TMEM38B: variants seen among roughly 807,000 people sequenced by gnomAD.
TMEM38B encodes trimeric intracellular cation channel type B.
A neutral mutation model predicts 28.7 loss-of-function variants in TMEM38B; 24 were observed. The ratio of observed to expected loss-of-function variants is 0.84; its 90% CI spans 0.61 to 1.18. TMEM38B has a LOEUF of 1.18. TMEM38B is among the 50% of genes most tolerant of loss of function. TMEM38B has a pLI of 0.00. For synonymous variants in TMEM38B, 131 were observed against 127.7 expected, an observed-to-expected ratio of 1.03 and a Z score of -0.17; for missense variants, 380 against 350.9, an observed-to-expected ratio of 1.08 and a Z score of -0.66.
intron 4 of TMEM38B, among the ~76,000 whole-genome samples, chr9:105,730,293 G>A (rs1836685024): frequency 6.6e-6 from 1 of 152,172 alleles, no homozygotes; most frequent in South Asian, 2.1e-4. Context: ...ATGAAAGGCT[G>A]TTGAATTTTT....
intron 5 of TMEM38B, among the ~76,000 whole-genome samples, chr9:105,761,036 A>G (rs1838026754): frequency 6.6e-6 from 1 of 152,204 alleles, no homozygotes; most frequent in Non-Finnish European, 1.5e-5. Context: ...TATTTGCTTG[A>G]ATTTTCAAAA....
chr9:105,757,147 A>G (rs1468171406), intron 5 of TMEM38B, among the ~76,000 whole-genome samples: 2 of 152,166 alleles, frequency 1.3e-5, no homozygotes, highest in East Asian at 1.9e-4. Context: ...TATAGAGAAC[A>G]TATGATATTT....
chr9:105,737,950 G>T (rs1488413060), intron 4 of TMEM38B, among the ~76,000 whole-genome samples: 1 of 152,164 alleles, frequency 6.6e-6, no homozygotes, highest in Non-Finnish European at 1.5e-5. Context: ...GACCCCAAGG[G>T]TAGGGCATTG....
chr9:105,739,864 C>T (rs1304924901), intron 4 of TMEM38B, among the ~76,000 whole-genome samples: 3 of 151,868 alleles, frequency 2.0e-5, no homozygotes, highest in African/African-American at 7.3e-5. Flanking sequence ...GGATAGCTTT[C>T]TATTTAATTA....
At chr9:105,696,837 AG>A (rs1163844957) in intron 1 of TMEM38B, among the ~76,000 whole-genome samples, 1 of 152,230 alleles carries the variant, frequency 6.6e-6, no homozygotes, top group Non-Finnish European at 1.5e-5. Context: ...AAGATCGGTA[AG>A]TGTATACTTT....
chr9:105,758,504 T>C (rs1482625207), intron 5 of TMEM38B: 7 of 1,282,300 alleles, frequency 5.5e-6, no homozygotes, highest in Non-Finnish European at 8.0e-6. Flanking sequence ...TAAGAAATAA[T>C]AACAGTTTTG....
chr9:105,740,260 GTTTTTT>G (rs35669330), intron 4 of TMEM38B, among the ~76,000 whole-genome samples: 1 of 111,422 alleles, frequency 9.0e-6, no homozygotes, highest in Admixed American at 9.5e-5. Context: ...ATTCCTAGGT[GTTTTTT>G]TTTTTTTTTT....
At chr9:105,752,392 T>C (rs1837686742) in intron 5 of TMEM38B, among the ~76,000 whole-genome samples, 1 of 152,152 alleles carries the variant, frequency 6.6e-6, no homozygotes. Flanking sequence ...CCAACAGGGA[T>C]CTGTAACCAC....
At position 105,727,787 on chromosome 9, in the gene TMEM38B, A is replaced by T. The variant is rs977208450; in HGVS notation, c.542+5166A>T. On this transcript the variant is annotated intron_variant, in intron 4 of 5. Transcript: ENST00000374692. ...GTGGGGACTGGTGGGAGGTGATTGG[A>T]TCATGGGGGTGGATCCCTCATGAAT... Among the ~76,000 whole-genome samples, 3 of 152,030 alleles carry T rather than the reference A, an allele frequency of 2.0e-5. No individual in the cohort carries two copies. In the South Asian group the frequency reaches 6.2e-4, roughly 32 times the overall value.
intron 4 of TMEM38B, among the ~76,000 whole-genome samples, chr9:105,733,014 A>T (rs907192092): frequency 1.3e-5 from 2 of 151,958 alleles, no homozygotes; most frequent in Non-Finnish European, 2.9e-5. Flanking sequence ...TCAGGAGCAG[A>T]TTGTTCAGTT....
chr9:105,773,579 AT>A (rs1826629632), intron 5 of TMEM38B, among the ~76,000 whole-genome samples: 1 of 152,118 alleles, frequency 6.6e-6, no homozygotes, highest in African/African-American at 2.4e-5. Flanking sequence ...TGATGTTGAT[AT>A]TTTATCTTAC....
At chr9:105,696,099 A>T (rs1227010977) in intron 1 of TMEM38B, among the ~76,000 whole-genome samples, 2 of 152,134 alleles carry the variant, frequency 1.3e-5, no homozygotes. Context: ...TCATTTTTTC[A>T]GAAGTGTACA....
chr9:105,773,851 CT>C lies in TMEM38B; in HGVS notation c.661-8del, dbSNP rs751973432. Reference sequence around the variant, plus strand: ...ATTTGTATTTAAATTCAAAATTAAACTTTTTTCCCCCAGATAACCATGATGA... The same window carrying C: ...ATTTGTATTTAAATTCAAAATTAAACTTTTTCCCCCAGATAACCATGATGA... On this transcript the variant is annotated splice_polypyrimidine_tract_variant and intron_variant, in intron 5 of 5. Coordinates refer to ENST00000374692, the MANE Select transcript of TMEM38B (RefSeq NM_018112.3). 1 of 1,588,854 alleles carries C rather than the reference CT, an allele frequency of 6.3e-7. No individual in the cohort carries two copies. The highest frequency in any genetic ancestry group is 8.6e-7 in the Non-Finnish European group (1 of 1,167,268).
Position 105,776,261 on chromosome 9 carries a change from A to T in TMEM38B, c.*2181A>T, listed in dbSNP as rs552976674. 6.6e-6 allele frequency: 1 copy of T among 152,088 alleles called. No individual in the cohort carries two copies. Among genetic ancestry groups the T allele is most frequent in the Non-Finnish European group, 1.5e-5 (1 of 67,992 alleles). The allele number at this position is 152,088 out of a possible 1,614,324, so 9.4% of individuals were successfully genotyped here. ...GCTTCCCTCAGTGCTGTCACTCTCA[A>T]GTAAAACATGGCCAAATGAATATCA... On this transcript the variant is annotated 3_prime_UTR_variant, in exon 6 of 6. Transcript: ENST00000374692.
intron 1 of TMEM38B, among the ~76,000 whole-genome samples, chr9:105,701,850 A>T (rs1038685941): frequency 1.3e-5 from 2 of 152,200 alleles, no homozygotes; most frequent in African/African-American, 4.8e-5. Flanking sequence ...TGTCTGTTCT[A>T]ATTACTCATT....
intron 2 of TMEM38B, among the ~76,000 whole-genome samples, chr9:105,717,660 A>T (rs1564392723): frequency 6.6e-6 from 1 of 151,976 alleles, no homozygotes; most frequent in African/African-American, 2.4e-5. Context: ...CTAAAACTAC[A>T]TAAAAAAGCT....
chr9:105,715,725 C>A (rs1165351203), intron 2 of TMEM38B, among the ~76,000 whole-genome samples: 1 of 151,792 alleles, frequency 6.6e-6, no homozygotes, highest in Admixed American at 6.6e-5. Flanking sequence ...ATCTCTTACT[C>A]TCTCCTGAGT....
intron 1 of TMEM38B, among the ~76,000 whole-genome samples, chr9:105,699,377 C>A (rs968783744): frequency 2.6e-5 from 4 of 152,168 alleles, no homozygotes; most frequent in African/African-American, 9.7e-5. Context: ...TCTCATATAT[C>A]CTACTGCCAG....
chr9:105,744,843 T>G (rs1052793215), intron 4 of TMEM38B, among the ~76,000 whole-genome samples: 1 of 152,152 alleles, frequency 6.6e-6, no homozygotes, highest in Non-Finnish European at 1.5e-5. Flanking sequence ...GGTGTTTGGT[T>G]TTTTGGTCCT....
Sources: gnomAD v4.1 joint callset for allele counts (sites outside exome capture counted in the v4.1 genomes callset) on GRCh38, gnomAD v4.1.1 for gene constraint, MANE v1.5 for transcripts, NCBI Gene and HGNC (gene_info 2026-07-23, HGNC 2026-07-21) for gene names.